STAU2: variants seen among roughly 807,000 people sequenced by gnomAD.
STAU2 encodes double-stranded RNA-binding protein Staufen homolog 2.
Under a neutral mutation model 65.9 loss-of-function variants are expected in STAU2, and 20 were observed. The observed-to-expected ratio is 0.30, with a 90% CI of 0.21 to 0.44. The LOEUF is 0.44. Ranked by LOEUF, STAU2 falls within the 20% of genes least tolerant of loss-of-function variation. The pLI, the probability that STAU2 is intolerant of heterozygous loss-of-function variation, is 1.00. For synonymous variants in STAU2, 232 were observed against 233.9 expected, an observed-to-expected ratio of 0.99 and a Z score of 0.07; for missense variants, 558 against 683.9, an observed-to-expected ratio of 0.82 and a Z score of 2.05.
At chr8:73,726,460 T>G (rs140955358) in intron 3 of STAU2, among the ~76,000 whole-genome samples, 1 of 152,174 alleles carries the variant, frequency 6.6e-6, no homozygotes, top group Non-Finnish European at 1.5e-5. Flanking sequence ...TTATTTCTTA[T>G]AATATTTTCT....
intron 3 of STAU2, among the ~76,000 whole-genome samples, chr8:73,717,688 C>T (rs1821350385): frequency 6.6e-6 from 1 of 152,220 alleles, no homozygotes; most frequent in East Asian, 1.9e-4. Context: ...CGCTCTGTCG[C>T]CCAGGCTGGA....
At chr8:73,629,130 G>A (rs1411328804) in intron 6 of STAU2, among the ~76,000 whole-genome samples, 4 of 152,206 alleles carry the variant, frequency 2.6e-5, no homozygotes, top group African/African-American at 9.6e-5. Flanking sequence ...ATAATGTATA[G>A]TTAATAGATA....
intron 3 of STAU2, among the ~76,000 whole-genome samples, chr8:73,719,479 G>A (rs1022031548): frequency 6.6e-6 from 1 of 152,150 alleles, no homozygotes; most frequent in African/African-American, 2.4e-5. Flanking sequence ...TAGCAGGCTG[G>A]GAAAGTTCAC....
chr8:73,741,940 T>C (rs1306755518), intron 1 of STAU2, among the ~76,000 whole-genome samples: 2 of 152,358 alleles, frequency 1.3e-5, no homozygotes, highest in Middle Eastern at 3.4e-3. Flanking sequence ...TATAAAGAGC[T>C]GTAGAAATTA....
At chr8:73,539,982 CAG>C (rs964329000) in intron 13 of STAU2, among the ~76,000 whole-genome samples, 1 of 151,020 alleles carries the variant, frequency 6.6e-6, no homozygotes, top group African/African-American at 2.4e-5. Flanking sequence ...AAAAAGGAGA[CAG>C]AAATTATTTA....
intron 13 of STAU2, among the ~76,000 whole-genome samples, chr8:73,464,073 G>T (rs1819518200): frequency 6.6e-6 from 1 of 152,140 alleles, no homozygotes; most frequent in Admixed American, 6.5e-5. Context: ...TTTACAATGG[G>T]CCTGATAATC....
At position 73,718,250 on chromosome 8, in the gene STAU2, T is replaced by G. The variant is rs532650062; in HGVS notation, c.-17-9088A>C. Among the ~76,000 whole-genome samples, 120 of 152,350 alleles carry G rather than the reference T, an allele frequency of 7.9e-4. 1 individual carries two copies. Among genetic ancestry groups the G allele is most frequent in the African/African-American group, 2.8e-3 (116 of 41,586 alleles). On this transcript the variant is annotated intron_variant, in intron 3 of 14. Coordinates refer to ENST00000524300, the MANE Select transcript of STAU2 (RefSeq NM_001164380.2). ...ACATTGAACTCATGTCCAATAGTAC[T>G]GTTTAACTCCTGCCTGAATAAAGCT...
At chr8:73,722,020 T>C (rs996755082) in intron 3 of STAU2, among the ~76,000 whole-genome samples, 5 of 152,182 alleles carry the variant, frequency 3.3e-5, no homozygotes, top group African/African-American at 1.2e-4. Flanking sequence ...TGTGACTCCA[T>C]TTTATCTCCT....
intron 6 of STAU2, among the ~76,000 whole-genome samples, chr8:73,621,610 G>A (rs1013953115): frequency 2.0e-5 from 3 of 152,226 alleles, no homozygotes; most frequent in African/African-American, 7.2e-5. Flanking sequence ...GATGAACCAC[G>A]AAAACTCCCC....
At chr8:73,720,028 C>T (rs1035197518) in intron 3 of STAU2, among the ~76,000 whole-genome samples, 1 of 152,066 alleles carries the variant, frequency 6.6e-6, no homozygotes, top group Non-Finnish European at 1.5e-5. Context: ...GTCTGTAACC[C>T]TACCACTTCA....
intron 6 of STAU2, among the ~76,000 whole-genome samples, chr8:73,671,459 C>A (rs1817670118): frequency 1.3e-5 from 2 of 151,824 alleles, no homozygotes; most frequent in African/African-American, 2.4e-5. Flanking sequence ...CTTTTTAACT[C>A]AGTGTTCTCA....
At chr8:73,522,368 A>AACTATC (rs1311877064) in intron 13 of STAU2, among the ~76,000 whole-genome samples, 14 of 152,330 alleles carry the variant, frequency 9.2e-5, no homozygotes, top group African/African-American at 3.4e-4. Flanking sequence ...AACCCTCCTG[A>AACTATC]ACTATCACTA....
intron 6 of STAU2, among the ~76,000 whole-genome samples, chr8:73,649,336 G>T (rs746861169): frequency 1.3e-5 from 2 of 152,016 alleles, no homozygotes; most frequent in Non-Finnish European, 2.9e-5. Flanking sequence ...TACCATTTAA[G>T]TAAAGACTTC....
intron 13 of STAU2, among the ~76,000 whole-genome samples, chr8:73,487,966 A>G (rs896320082): frequency 6.6e-5 from 10 of 152,066 alleles, no homozygotes; most frequent in African/African-American, 1.9e-4. Flanking sequence ...ATTCTTTGGG[A>G]AAAAAATCTG....
intron 4 of STAU2, among the ~76,000 whole-genome samples, chr8:73,705,877 C>T (rs1820471353): frequency 6.6e-6 from 1 of 152,128 alleles, no homozygotes. Flanking sequence ...AAGACATTAA[C>T]CTCTGTCCTG....
At chr8:73,549,674 C>T (rs1807179260) in intron 13 of STAU2, 4 of 985,382 alleles carry the variant, frequency 4.1e-6, no homozygotes, top group Non-Finnish European at 4.8e-6. Flanking sequence ...CTCTAGTAGG[C>T]TTAAATCAAA....
intron 5 of STAU2, among the ~76,000 whole-genome samples, chr8:73,677,531 A>G (rs1480630055): frequency 6.6e-6 from 1 of 152,224 alleles, no homozygotes. Context: ...CATTAAATGC[A>G]ACATAGATGA....
chr8:73,575,204 A>C (rs1809443789), intron 12 of STAU2, among the ~76,000 whole-genome samples: 1 of 151,870 alleles, frequency 6.6e-6, no homozygotes, highest in Non-Finnish European at 1.5e-5. Flanking sequence ...TATGTCATTC[A>C]CAGAAAAAGT....
chr8:73,530,066 T>C (rs1374263075), intron 13 of STAU2, among the ~76,000 whole-genome samples: 2 of 152,148 alleles, frequency 1.3e-5, no homozygotes, highest in East Asian at 1.9e-4. Context: ...TATTATCATC[T>C]TGACTGCGAG....
Sources: allele counts gnomAD v4.1 joint callset (sites outside exome capture counted in the v4.1 genomes callset), GRCh38; gene constraint gnomAD v4.1.1; transcripts MANE v1.5; gene names NCBI Gene and HGNC (gene_info 2026-07-23, HGNC 2026-07-21).